Variants in PRKN observed in about 807,000 individuals in gnomAD.
PRKN encodes the protein E3 ubiquitin-protein ligase parkin.
In PRKN, 56 loss-of-function variants were observed where a neutral mutation model predicts 59.5. That is an observed-to-expected ratio of 0.94 (90% CI 0.76 to 1.18). The LOEUF (loss-of-function observed/expected upper bound fraction) is 1.18. PRKN is among the 50% of genes most tolerant of loss of function. PRKN has a pLI of 0.00. For missense variants in PRKN, 657 were observed against 596.4 expected (o/e 1.10, Z -1.06); for synonymous variants, 250 against 222.1 (o/e 1.13, Z -1.12).
intron 2 of PRKN, among the ~76,000 whole-genome samples, chr6:162,372,512 T>A (rs1366040884): frequency 6.6e-6 from 1 of 152,012 alleles, no homozygotes; most frequent in East Asian, 1.9e-4. Context: ...AAGCAATGGG[T>A]AAACACGGAC....
At chr6:162,108,209 T>G (rs181403838) in intron 4 of PRKN, among the ~76,000 whole-genome samples, 382 of 152,268 alleles carry the variant, frequency 2.5e-3, no homozygotes, top group Non-Finnish European at 4.5e-3. Flanking sequence ...TGGTTCCACA[T>G]GCCAATGCCA....
At chr6:161,477,343 C>T (rs1394434111) in intron 9 of PRKN, among the ~76,000 whole-genome samples, 2 of 152,110 alleles carry the variant, frequency 1.3e-5, no homozygotes, top group East Asian at 3.9e-4. Flanking sequence ...CACGGAGAAA[C>T]CCCGTCTCTA....
rs1006397918 is a variant in PRKN at position 162,700,968 on chromosome 6, C to T, written c.7+26694G>A. On this transcript the variant is annotated intron_variant, in intron 1 of 11. Coordinates refer to ENST00000366898, the MANE Select transcript of PRKN (RefSeq NM_004562.3). The stretch of plus-strand genomic sequence containing the variant: ...TTAATTAATTTACATACATGTCTTG[C>T]CTCCCCAGATAAAACATAAACTTTT... Among the ~76,000 whole-genome samples, 3 of 152,006 alleles carry T rather than the reference C, an allele frequency of 2.0e-5. No homozygotes were observed. The South Asian group carries it at 6.2e-4, about 32-fold the overall frequency.
chr6:162,404,678 G>T (rs560389216), intron 2 of PRKN, among the ~76,000 whole-genome samples: 44 of 152,076 alleles, frequency 2.9e-4, no homozygotes, highest in African/African-American at 9.6e-4. Context: ...TCAGCCTCCC[G>T]AGTAGCTCGG....
chr6:161,646,154 C>T (rs34668048), intron 7 of PRKN, among the ~76,000 whole-genome samples: 3 of 53,742 alleles, frequency 5.6e-5, no homozygotes, highest in Admixed American at 1.5e-4. Flanking sequence ...GCGGAGGAGG[C>T]GGCGTATCAG....
At chr6:162,586,751 T>C (rs1235171812) in intron 1 of PRKN, among the ~76,000 whole-genome samples, 1 of 149,996 alleles carries the variant, frequency 6.7e-6, no homozygotes, top group Non-Finnish European at 1.5e-5. Flanking sequence ...TCTGTAAACA[T>C]GTGTTTGAAG....
Position 161,395,024 on chromosome 6 carries a change from T to A in PRKN, c.1084-8147A>T, listed in dbSNP as rs1236221527. 6.6e-6 allele frequency among the ~76,000 whole-genome samples: 1 copy of A among 152,186 alleles called. No homozygotes were observed. The highest frequency in any genetic ancestry group is 2.1e-4 in the South Asian group (1 of 4,836). On this transcript the variant is annotated intron_variant, in intron 9 of 11. Coordinates refer to ENST00000366898, the MANE Select transcript of PRKN (RefSeq NM_004562.3). This position sits in a 1 kb window ranked among gnomAD's most constrained non-coding sequence, Gnocchi z 5.0. ...TCATGGATTTTTAAAAAGTAGGTATTCTTTGAATGCAAAATATGTGCAGGT... is the reference window on the plus strand; with the variant it reads ...TCATGGATTTTTAAAAAGTAGGTATACTTTGAATGCAAAATATGTGCAGGT...
intron 6 of PRKN, among the ~76,000 whole-genome samples, chr6:161,846,840 A>C (rs552679300): frequency 6.6e-6 from 1 of 152,288 alleles, no homozygotes; most frequent in African/African-American, 2.4e-5. Flanking sequence ...TCTATTTTGC[A>C]TTGTTCACCT....
intron 5 of PRKN, among the ~76,000 whole-genome samples, chr6:162,046,110 T>C (rs974715835): frequency 6.6e-6 from 1 of 152,250 alleles, no homozygotes; most frequent in Admixed American, 6.5e-5. Flanking sequence ...AGCACACCTC[T>C]TTCTGAGTAA....
At chr6:161,512,209 C>A (rs935260501) in intron 9 of PRKN, among the ~76,000 whole-genome samples, 1 of 152,144 alleles carries the variant, frequency 6.6e-6, no homozygotes, top group African/African-American at 2.4e-5. Flanking sequence ...AAAAAATGCT[C>A]TAAAGCCTCT....
chr6:161,816,333 T>C (rs1791779437), intron 6 of PRKN, among the ~76,000 whole-genome samples: 1 of 151,722 alleles, frequency 6.6e-6, no homozygotes. Flanking sequence ...AACAGATCAG[T>C]GGTCTCCAGG....
rs1200951616 is a variant in PRKN at position 161,874,505 on chromosome 6, T to A, written c.735-88597A>T. Among the ~76,000 whole-genome samples, 50 of 43,944 alleles carry A rather than the reference T, an allele frequency of 1.1e-3. 2 individuals carry two copies. Among genetic ancestry groups the A allele is most frequent in the African/African-American group, 3.1e-3 (22 of 7,164 alleles). 28.8% of individuals were successfully genotyped at this position (43,944 alleles called of 152,430 possible). A position where few individuals can be genotyped will look rare whatever the true frequency, so the allele number is the denominator to read the frequency against. On this transcript the variant is annotated intron_variant, in intron 6 of 11. Coordinates refer to ENST00000366898, the MANE Select transcript of PRKN (RefSeq NM_004562.3). ...AATATATATTATATGTAAAATATATTATATGTAAAATATATATTATATGTA... is the reference window on the plus strand; with the variant it reads ...AATATATATTATATGTAAAATATATAATATGTAAAATATATATTATATGTA...
At chr6:161,620,956 A>G (rs897322211) in intron 7 of PRKN, among the ~76,000 whole-genome samples, 2 of 152,200 alleles carry the variant, frequency 1.3e-5, no homozygotes, top group Admixed American at 6.5e-5. Flanking sequence ...GATAGGCTGT[A>G]TAATTCCGAT....
chr6:162,024,193 C>CTT (rs1783326239), intron 5 of PRKN, among the ~76,000 whole-genome samples: 1 of 99,504 alleles, frequency 1.0e-5, no homozygotes. Context: ...CTCCCCCAAC[C>CTT]CTTTTTTTTT....
intron 5 of PRKN, among the ~76,000 whole-genome samples, chr6:162,006,952 T>A (rs1201725143): frequency 1.3e-5 from 2 of 152,106 alleles, no homozygotes; most frequent in East Asian, 3.8e-4. Flanking sequence ...CAGCACATTG[T>A]ATGGCTTCAT....
intron 2 of PRKN, among the ~76,000 whole-genome samples, chr6:162,399,126 A>AC (rs1787633417): frequency 6.6e-6 from 1 of 151,938 alleles, no homozygotes; most frequent in African/African-American, 2.4e-5. Flanking sequence ...TCCCCTCCCC[A>AC]TTTTTTTTCA....
chr6:161,804,693 TAC>T (rs1791234570), intron 6 of PRKN, among the ~76,000 whole-genome samples: 1 of 152,252 alleles, frequency 6.6e-6, no homozygotes, highest in African/African-American at 2.4e-5. Flanking sequence ...CTGTTGCATC[TAC>T]ACATTGTCCC....
At chr6:161,603,108 C>A (rs1439081802) in intron 7 of PRKN, among the ~76,000 whole-genome samples, 4 of 152,132 alleles carry the variant, frequency 2.6e-5, no homozygotes, top group African/African-American at 9.7e-5. Flanking sequence ...GGGTTGGATC[C>A]ACATTCATAA....
intron 2 of PRKN, among the ~76,000 whole-genome samples, chr6:162,382,911 T>C (rs955348796): frequency 5.3e-5 from 8 of 152,238 alleles, no homozygotes; most frequent in African/African-American, 1.4e-4. Flanking sequence ...CAGGAGCACA[T>C]TCCATCTCAA....
Sources: allele counts gnomAD v4.1 joint callset (sites outside exome capture counted in the v4.1 genomes callset), GRCh38; gene constraint gnomAD v4.1.1; non-coding constraint Gnocchi (gnomAD v3.1); transcripts MANE v1.5; gene names NCBI Gene and HGNC (gene_info 2026-07-23, HGNC 2026-07-21).